The following DIPK1C variants were observed in gnomAD, a reference collection of about 807,000 sequenced individuals.
DIPK1C encodes divergent protein kinase domain 1C.
A neutral mutation model predicts 28.0 loss-of-function variants in DIPK1C; 33 were observed. The observed-to-expected ratio is 1.18, with a 90% CI of 0.89 to 1.58. The LOEUF is 1.58. DIPK1C is among the 40% of genes most tolerant of loss of function. DIPK1C has a pLI of 0.00. For synonymous variants in DIPK1C, 255 were observed against 248.8 expected, an observed-to-expected ratio of 1.02 and a Z score of -0.23; for missense variants, 569 against 568.5, an observed-to-expected ratio of 1.00 and a Z score of -0.01.
chr18:74,457,172 C>A lies in DIPK1C; in HGVS notation c.88G>T (p.Ala30Ser), dbSNP rs1404333895. The A allele has an allele frequency of 3.7e-6, 5 of 1,364,558 alleles. No individual in the cohort carries two copies. The Admixed American group carries it at 1.4e-4, about 37-fold the overall frequency. 84.5% of individuals were successfully genotyped at this position (1,364,558 alleles called of 1,614,324 possible). A position where few individuals can be genotyped will look rare whatever the true frequency, so the allele number is the denominator to read the frequency against. ...CGRGTLLAFA[A>S]WTAGWVLAAA... ...GCCAGCACCCAGCCCGCGGTCCACG[C>A]GGCGAAGGCGAGGAGCGTGCCCCGC... Residue 30 changes from alanine to serine, a missense_variant, in exon 1 of 4, where the codon GCG becomes TCG. By Grantham distance (99) the Ala-to-Ser change is moderately conservative. Coordinates refer to ENST00000343998, the MANE Select transcript of DIPK1C (RefSeq NM_001044369.3).
upstream of DIPK1C, among the ~76,000 whole-genome samples, chr18:74,459,069 C>G (rs895618027): frequency 6.6e-6 from 1 of 152,236 alleles, no homozygotes; most frequent in Non-Finnish European, 1.5e-5. Flanking sequence ...CACCACTGCA[C>G]TCTAGCCCGG....
rs142985288 is a variant in DIPK1C, at chr18:74,447,477, C to T, written c.199-194G>A. 9.6e-3 allele frequency among the ~76,000 whole-genome samples: 1,460 copies of T among 152,298 alleles called. 18 individuals are homozygous for T. Among genetic ancestry groups the T allele is most frequent in the African/African-American group, 0.032 (1,312 of 41,558 alleles). ...TAATTCAGAGGAAGGTTAAAGGAGC[C>T]GCTCACAGTCATTACACGACTCAGT... is the stretch of plus-strand genomic sequence containing the variant. On this transcript the variant is annotated intron_variant, in intron 1 of 3. Transcript: ENST00000343998. This position sits in a 1 kb window ranked among gnomAD's most constrained non-coding sequence, Gnocchi z 4.1.
chr18:74,462,461 C>G (rs1293096034), upstream of DIPK1C, among the ~76,000 whole-genome samples: 1 of 152,184 alleles, frequency 6.6e-6, no homozygotes, highest in Non-Finnish European at 1.5e-5. Flanking sequence ...TGTGAATACA[C>G]CAGACAGTGT....
Position 74,446,742 on chromosome 18 carries a change from C to T in DIPK1C, c.740G>A (p.Gly247Asp). The change falls in exon 2 of 4, where the codon GGT becomes GAT. Residue 247 changes from glycine to aspartate, a missense_variant. Coordinates refer to ENST00000343998, the MANE Select transcript of DIPK1C (RefSeq NM_001044369.3). ...GTCACTGATGGCCTTGGCCTGGCCA[C>T]CCCCAGGGGCACCTGGGGCCCGGTC... ...PLDRAPGAPG[G>D]GQAKAISDIA... The T allele has an allele frequency of 6.5e-7, 1 of 1,535,266 alleles. No individual in the cohort carries two copies. The highest frequency in any genetic ancestry group is 8.8e-7 in the Non-Finnish European group (1 of 1,138,858).
chr18:74,452,172 T>C (rs542218536), intron 1 of DIPK1C, among the ~76,000 whole-genome samples: 89 of 152,214 alleles, frequency 5.8e-4, no homozygotes, highest in African/African-American at 2.0e-3. Flanking sequence ...AGTTGAAAAA[T>C]CATAAGTGAA....
rs1217121806 is a variant in DIPK1C, at chr18:74,436,216, G to A, written c.*285C>T. 2 of 455,324 alleles carry A rather than the reference G, an allele frequency of 4.4e-6. No individual in the cohort carries two copies. The highest frequency in any genetic ancestry group is 7.8e-6 in the Non-Finnish European group (2 of 255,630). 28.2% of individuals were successfully genotyped at this position (455,324 alleles called of 1,614,324 possible). A position where few individuals can be genotyped will look rare whatever the true frequency, so the allele number is the denominator to read the frequency against. On this transcript the variant is annotated 3_prime_UTR_variant, in exon 4 of 4. Transcript: ENST00000343998. ...ACCAGGTACAAGTGCTCTCTGCAGA[G>A]AATAAGTGCACACAGGTTGGTGTCT...
At chr18:74,462,042 A>G (rs1426309363), upstream of DIPK1C, among the ~76,000 whole-genome samples, 1 of 152,252 alleles carries the variant, frequency 6.6e-6, no homozygotes, top group Non-Finnish European at 1.5e-5. Context: ...GATTACAGGC[A>G]TGAGCCATGG....
At chr18:74,439,113 T>C (rs1398948555) in intron 3 of DIPK1C, among the ~76,000 whole-genome samples, 2 of 125,242 alleles carry the variant, frequency 1.6e-5, no homozygotes, top group East Asian at 8.8e-4. Context: ...GTTTTTGTTT[T>C]TTGTTTTTTT....
chr18:74,436,772 G>A, intron 3 of DIPK1C, 53 bp from the exon 4 acceptor site: 1 of 1,484,540 alleles, frequency 6.7e-7, no homozygotes, highest in Non-Finnish European at 9.1e-7. Flanking sequence ...CCTCCTAAAA[G>A]CTTCCCAAGC....
chr18:74,444,665 G>A (rs1420733298), intron 2 of DIPK1C, among the ~76,000 whole-genome samples: 1 of 152,164 alleles, frequency 6.6e-6, no homozygotes, highest in Admixed American at 6.5e-5. Context: ...ACAGTCTTGG[G>A]TAAAATAACT....
At chr18:74,450,567 G>T (rs1440101589) in intron 1 of DIPK1C, among the ~76,000 whole-genome samples, 1 of 152,202 alleles carries the variant, frequency 6.6e-6, no homozygotes, top group Non-Finnish European at 1.5e-5. Context: ...AGAGTGAGGA[G>T]GGTGCCTACT....
At chr18:74,451,128 C>T (rs1986388776) in intron 1 of DIPK1C, among the ~76,000 whole-genome samples, 1 of 152,184 alleles carries the variant, frequency 6.6e-6, no homozygotes, top group Non-Finnish European at 1.5e-5. Flanking sequence ...AATTAGAAGT[C>T]TGCCTTAGCA....
intron 2 of DIPK1C, among the ~76,000 whole-genome samples, chr18:74,442,992 C>G (rs1199547062): frequency 6.6e-6 from 1 of 152,206 alleles, no homozygotes; most frequent in Non-Finnish European, 1.5e-5. Flanking sequence ...CTTCATGACA[C>G]GTCTGTTACC....
intron 1 of DIPK1C, among the ~76,000 whole-genome samples, chr18:74,453,112 T>G (rs1986435033): frequency 6.6e-6 from 1 of 152,200 alleles, no homozygotes; most frequent in African/African-American, 2.4e-5. Context: ...CAGCCCCAGC[T>G]TTGGTAAGCA....
At chr18:74,441,640 G>A (rs957560476) in intron 3 of DIPK1C, among the ~76,000 whole-genome samples, 1 of 152,146 alleles carries the variant, frequency 6.6e-6, no homozygotes, top group Non-Finnish European at 1.5e-5. Flanking sequence ...GATTCTCATA[G>A]TGTATGTGCC....
chr18:74,448,622 AGT>A (rs1986326693), intron 1 of DIPK1C, among the ~76,000 whole-genome samples: 1 of 152,116 alleles, frequency 6.6e-6, no homozygotes, highest in Admixed American at 6.5e-5. Flanking sequence ...CCAAGAGGGA[AGT>A]GTGTGTGCAC....
At chr18:74,445,981 C>T (rs1986251388) in intron 2 of DIPK1C, among the ~76,000 whole-genome samples, 1 of 152,204 alleles carries the variant, frequency 6.6e-6, no homozygotes, top group South Asian at 2.1e-4. Flanking sequence ...TGCACACCTC[C>T]CTGTTCTCAC....
rs117425381 is a variant in DIPK1C at position 74,443,081 on chromosome 18, G to A, written c.877-965C>T. Among the ~76,000 whole-genome samples the A allele has an allele frequency of 3.6e-3, 555 of 152,298 alleles. 3 individuals are homozygous for A. Among genetic ancestry groups the A allele is most frequent in the Non-Finnish European group, 6.0e-3 (406 of 68,032 alleles). On this transcript the variant is annotated intron_variant, in intron 2 of 3. Transcript: ENST00000343998. ...AAAGTTATCGAATTAGGACTGATACGCAGAGGCCCTGAACAGGAGCGACGC... is the reference window on the plus strand; with the variant it reads ...AAAGTTATCGAATTAGGACTGATACACAGAGGCCCTGAACAGGAGCGACGC...
intron 1 of DIPK1C, among the ~76,000 whole-genome samples, chr18:74,448,831 G>A (rs914501951): frequency 6.6e-6 from 1 of 152,188 alleles, no homozygotes; most frequent in African/African-American, 2.4e-5. Flanking sequence ...AAATCAGGCT[G>A]AGCATGGTGG....
Sources: allele counts gnomAD v4.1 joint callset (sites outside exome capture counted in the v4.1 genomes callset), GRCh38; gene constraint gnomAD v4.1.1; non-coding constraint Gnocchi (gnomAD v3.1); transcripts MANE v1.5; gene names NCBI Gene and HGNC (gene_info 2026-07-23, HGNC 2026-07-21).